NBEAL1: variants seen among roughly 807,000 people sequenced by gnomAD.
NBEAL1 encodes neurobeachin like 1.
NBEAL1 carries 273 observed loss-of-function variants against 351.3 expected under a neutral mutation model. That is an observed-to-expected ratio of 0.78 (90% CI 0.70 to 0.86). The LOEUF is 0.86. Ranked by LOEUF, NBEAL1 falls within the 40% of genes least tolerant of loss-of-function variation. The pLI, the probability that NBEAL1 is intolerant of heterozygous loss-of-function variation, is 0.00. For synonymous variants in NBEAL1, 1,050 were observed against 1,086.4 expected (o/e 0.97, Z 0.66); for missense variants, 2,961 against 3,201.3 (o/e 0.92, Z 1.81).
At position 203,016,260 on chromosome 2, in the gene NBEAL1, T is replaced by C. The variant is rs908324572; in HGVS notation, c.-125T>C. 1 of 547,144 alleles carries C rather than the reference T, an allele frequency of 1.8e-6. No individual in the cohort carries two copies. The highest frequency in any genetic ancestry group is 3.8e-5 in the Admixed American group (1 of 26,606). The allele number at this position is 547,144 out of a possible 1,614,324, so 33.9% of individuals were successfully genotyped here. On this transcript the variant is annotated 5_prime_UTR_variant, in exon 2 of 56. Transcript: ENST00000683969. ...GGACAGTCCATTTGTTTCACTTCTTTTTGCTTTCTTTACTGCTATGAGCTT... is the reference window on the plus strand; with the variant it reads ...GGACAGTCCATTTGTTTCACTTCTTCTTGCTTTCTTTACTGCTATGAGCTT...
intron 33 of NBEAL1, 138 bp downstream of exon 33, chr2:203,145,298 A>T: frequency 1.3e-6 from 1 of 771,242 alleles, no homozygotes; most frequent in Non-Finnish European, 2.0e-6. Context: ...TAGAATTAGA[A>T]GAAAAACAGC....
intron 2 of NBEAL1, among the ~76,000 whole-genome samples, chr2:203,037,538 A>G (rs2061059595): frequency 6.7e-6 from 1 of 149,270 alleles, no homozygotes; most frequent in Admixed American, 6.8e-5. Context: ...AAACATTTGT[A>G]TAAACACTAC....
At chr2:203,040,783 C>A in intron 2 of NBEAL1, 1 of 540,724 alleles carries the variant, frequency 1.8e-6, no homozygotes, top group South Asian at 1.6e-5. Context: ...GTAGTGTGAT[C>A]TTGGCTCACT....
chr2:203,057,223 C>A (rs1387474907), intron 5 of NBEAL1, 103 bp from the exon 6 acceptor site: 1 of 966,406 alleles, frequency 1.0e-6, no homozygotes, highest in Non-Finnish European at 1.5e-6. Context: ...GATTAAATGA[C>A]TCTTAGTCTC....
At chr2:203,108,876 A>G (rs2062499973) in intron 14 of NBEAL1, among the ~76,000 whole-genome samples, 1 of 151,912 alleles carries the variant, frequency 6.6e-6, no homozygotes, top group Non-Finnish European at 1.5e-5. Context: ...GCAAAACCTT[A>G]TCTCTACAAA....
At chr2:203,152,435 A>G (rs1233616015) in intron 35 of NBEAL1, among the ~76,000 whole-genome samples, 1 of 151,418 alleles carries the variant, frequency 6.6e-6, no homozygotes, top group Non-Finnish European at 1.5e-5. Flanking sequence ...CTAAAAATAT[A>G]AAAAATTAGC....
chr2:203,094,003 A>G (rs1010953879), intron 10 of NBEAL1, among the ~76,000 whole-genome samples: 1 of 152,174 alleles, frequency 6.6e-6, no homozygotes, highest in African/African-American at 2.4e-5. Flanking sequence ...TCTTCACAAC[A>G]AAGAGGAATC....
At chr2:203,114,771 G>C (rs1471113212) in intron 17 of NBEAL1, among the ~76,000 whole-genome samples, 1 of 150,598 alleles carries the variant, frequency 6.6e-6, no homozygotes, top group Non-Finnish European at 1.5e-5. Flanking sequence ...TTGTTTTTTT[G>C]AGACAGAGCC....
chr2:203,126,001 A>G lies in NBEAL1; in HGVS notation c.2893A>G (p.Ile965Val). The G allele has an allele frequency of 6.5e-7, 1 of 1,544,128 alleles. No homozygotes were observed. ...AAACCTAGTTGCAACATTTATCTTAATTGTGAAACATTTTATTCAGAGACA... is the reference window on the plus strand; with the variant it reads ...AAACCTAGTTGCAACATTTATCTTAGTTGTGAAACATTTTATTCAGAGACA... ...ERNLVATFILIVKHFIQRHPI... is the reference protein window; with the variant it reads ...ERNLVATFILVVKHFIQRHPI... Residue 965 changes from isoleucine (I) to valine (V), a missense_variant, in exon 21 of 56, where the codon ATT becomes GTT. Physicochemically the swap from Ile to Val is conservative, Grantham distance 29. Coordinates refer to ENST00000683969, the MANE Select transcript of NBEAL1 (RefSeq NM_001378026.1).
chr2:203,132,605 A>G (rs1007249815), intron 26 of NBEAL1, among the ~76,000 whole-genome samples: 2 of 152,124 alleles, frequency 1.3e-5, no homozygotes, highest in Admixed American at 1.3e-4. Context: ...ACTGGATGCA[A>G]GGGATCCTCC....
At chr2:203,140,976 C>G (rs950444498) in intron 31 of NBEAL1, among the ~76,000 whole-genome samples, 6 of 151,820 alleles carry the variant, frequency 4.0e-5, no homozygotes, top group African/African-American at 1.5e-4. Context: ...AAGACTCTGT[C>G]TCAAAATAAA....
At chr2:203,212,385 T>C (rs899461967) in intron 54 of NBEAL1, among the ~76,000 whole-genome samples, 15 of 151,530 alleles carry the variant, frequency 9.9e-5, no homozygotes, top group Non-Finnish European at 2.1e-4. Flanking sequence ...GGTAGCTGGA[T>C]CATTTGAGGT....
chr2:203,026,211 GT>G (rs1042702071), intron 2 of NBEAL1, among the ~76,000 whole-genome samples: 1 of 151,896 alleles, frequency 6.6e-6, no homozygotes, highest in African/African-American at 2.4e-5. Context: ...ATTTATGTCT[GT>G]TTTTTTGTGT....
At chr2:203,201,136 T>C (rs989007619) in intron 49 of NBEAL1, among the ~76,000 whole-genome samples, 2 of 152,242 alleles carry the variant, frequency 1.3e-5, no homozygotes, top group Non-Finnish European at 1.5e-5. Flanking sequence ...GCCTGATTTA[T>C]CTCCTATGCA....
At position 203,172,736 on chromosome 2, in the gene NBEAL1, G is replaced by A. The variant is rs763086489; in HGVS notation, c.6206G>A (p.Trp2069Ter). 12 of 1,604,608 alleles carry A rather than the reference G, an allele frequency of 7.5e-6. No homozygotes were observed. The highest frequency in any genetic ancestry group is 2.3e-5 in the East Asian group (1 of 44,414). The change falls in exon 41 of 56, where the codon TGG becomes TAG. Residue 2069 changes from tryptophan to a stop codon, truncating the protein, a stop_gained. Coordinates refer to ENST00000683969, the MANE Select transcript of NBEAL1 (RefSeq NM_001378026.1). LOFTEE classifies it high-confidence loss of function. ...AAATTATGGCTCTTTTAGTTTCCCT[G>A]GATTTTACAAGATTATACTTCGGAA... The part of the protein sequence containing the change: ...NDLAQYPVFP[W>*]ILQDYTSEEL...
chr2:203,124,944 C>T (rs1456531999), intron 19 of NBEAL1, among the ~76,000 whole-genome samples: 13 of 152,124 alleles, frequency 8.5e-5, no homozygotes, highest in Non-Finnish European at 1.9e-4. Context: ...AACTAAAAGT[C>T]GAGGAGTCAG....
At chr2:203,191,738 G>A (rs1162956302) in intron 46 of NBEAL1, among the ~76,000 whole-genome samples, 2 of 152,128 alleles carry the variant, frequency 1.3e-5, no homozygotes, top group East Asian at 1.9e-4. Context: ...CAACAAGAAA[G>A]TGACTAGGAT....
At chr2:203,068,616 A>G (rs72934514) in intron 7 of NBEAL1, 141 bp downstream of exon 7, 42,963 of 458,514 alleles carry the variant, frequency 0.094, 2,516 homozygotes, top group Non-Finnish European at 0.12. Context: ...GGAGTAAGCT[A>G]CATGATTTGT....
intron 9 of NBEAL1, among the ~76,000 whole-genome samples, chr2:203,083,976 CTGTGTGTG>C (rs59252809): frequency 1.1e-3 from 146 of 134,194 alleles, no homozygotes; most frequent in African/African-American, 2.4e-3. Flanking sequence ...TCCTCAGAGC[CTGTGTGTG>C]TGTGTGTGTG....
Sources: allele counts gnomAD v4.1 joint callset (sites outside exome capture counted in the v4.1 genomes callset), GRCh38; gene constraint gnomAD v4.1.1; transcripts MANE v1.5; gene names NCBI Gene and HGNC (gene_info 2026-07-23, HGNC 2026-07-21).